Variants in ELMOD2 observed in about 807,000 individuals in gnomAD.
The protein encoded by ELMOD2 is ELMO domain-containing protein 2.
In ELMOD2, 28 loss-of-function variants were observed where a neutral mutation model predicts 41.0. The ratio of observed to expected loss-of-function variants is 0.68; its 90% CI spans 0.51 to 0.94. ELMOD2 has a LOEUF of 0.94. Among genes scored for constraint, ELMOD2 ranks in the 40% least tolerant of loss-of-function variants. The pLI is 0.00. For missense variants in ELMOD2, 333 were observed against 343.1 expected (o/e 0.97, Z 0.23); for synonymous variants, 106 against 107.2 (o/e 0.99, Z 0.07).
chr4:140,549,681 C>CTTTT (rs10538089), intron 8 of ELMOD2, among the ~76,000 whole-genome samples: 13 of 42,970 alleles, frequency 3.0e-4, no homozygotes, highest in African/African-American at 5.6e-4. Flanking sequence ...AGTACTACAT[C>CTTTT]TTTTTTTTTT....
At chr4:140,526,242 ATC>A (rs1430640262) in intron 2 of ELMOD2, among the ~76,000 whole-genome samples, 6 of 152,334 alleles carry the variant, frequency 3.9e-5, no homozygotes, top group South Asian at 2.1e-4. Context: ...TTAAAATGTT[ATC>A]TGTTTCTTTT....
chr4:140,543,103 T>C (rs528381934), intron 7 of ELMOD2, among the ~76,000 whole-genome samples: 2 of 152,060 alleles, frequency 1.3e-5, no homozygotes, highest in African/African-American at 4.8e-5. Context: ...ACCCTGATAA[T>C]GGAGAAGAAA....
At chr4:140,537,263 T>A (rs1734957776) in intron 4 of ELMOD2, 149 bp from the exon 5 acceptor site, 1 of 581,498 alleles carries the variant, frequency 1.7e-6, no homozygotes, top group East Asian at 3.7e-5. Flanking sequence ...CTTTACATAA[T>A]GTTTTGTATT....
At chr4:140,541,239 C>A (rs1185433604) in intron 6 of ELMOD2, among the ~76,000 whole-genome samples, 1 of 152,018 alleles carries the variant, frequency 6.6e-6, no homozygotes, top group East Asian at 1.9e-4. Flanking sequence ...TATAAAATGT[C>A]TAGAATGGGA....
chr4:140,541,686 A>C (rs1028763295), intron 6 of ELMOD2, among the ~76,000 whole-genome samples: 2 of 152,220 alleles, frequency 1.3e-5, no homozygotes, highest in Admixed American at 1.3e-4. Flanking sequence ...TCCATAATGT[A>C]AGATGGTTCC....
chr4:140,543,437 A>T lies in ELMOD2; in HGVS notation c.603-16A>T, dbSNP rs1376188859. ...TATTTGGCTAGCTGGTATAACTGGTAATGTTTCTGACATAGGTATTCTTAT... is the reference window on the plus strand; with the variant it reads ...TATTTGGCTAGCTGGTATAACTGGTTATGTTTCTGACATAGGTATTCTTAT... On this transcript the variant is annotated splice_polypyrimidine_tract_variant and intron_variant, in intron 7 of 8. Transcript: ENST00000323570. 1 of 1,585,456 alleles carries T rather than the reference A, an allele frequency of 6.3e-7. No individual in the cohort carries two copies. Among genetic ancestry groups the T allele is most frequent in the South Asian group, 1.2e-5 (1 of 84,490 alleles).
At chr4:140,525,353 A>AAAT in intron 1 of ELMOD2, 67 bp from the exon 2 acceptor site, 1 of 1,192,440 alleles carries the variant, frequency 8.4e-7, no homozygotes, top group South Asian at 1.6e-5. Flanking sequence ...TCAGTTGTAT[A>AAAT]AACTTTTTAA....
intron 8 of ELMOD2, 80 bp from the exon 9 acceptor site, chr4:140,550,150 T>C: frequency 8.2e-7 from 1 of 1,220,048 alleles, no homozygotes; most frequent in South Asian, 1.3e-5. Flanking sequence ...AAAGGATGGT[T>C]ATATACTTTG....
chr4:140,525,674 T>C (rs1734541313), intron 2 of ELMOD2, 104 bp downstream of exon 2: 1 of 1,257,792 alleles, frequency 8.0e-7, no homozygotes, highest in Non-Finnish European at 1.1e-6. Context: ...GACAAGTCAC[T>C]TAAACTGAAT....
At chr4:140,544,996 T>G (rs902378946) in intron 8 of ELMOD2, among the ~76,000 whole-genome samples, 2 of 152,164 alleles carry the variant, frequency 1.3e-5, no homozygotes, top group African/African-American at 4.8e-5. Flanking sequence ...CTCCAGATAC[T>G]GCTTCATTTC....
intron 6 of ELMOD2, among the ~76,000 whole-genome samples, chr4:140,540,756 A>G (rs1735080797): frequency 6.6e-6 from 1 of 152,074 alleles, no homozygotes; most frequent in African/African-American, 2.4e-5. Context: ...AAAAAAAAAA[A>G]AAAAGACATT....
chr4:140,530,527 CTG>C (rs1325484891), intron 3 of ELMOD2, among the ~76,000 whole-genome samples: 1 of 152,156 alleles, frequency 6.6e-6, no homozygotes, highest in African/African-American at 2.4e-5. Flanking sequence ...TTTTTTACCT[CTG>C]TTTCTTGCTA....
intron 8 of ELMOD2, among the ~76,000 whole-genome samples, chr4:140,546,594 T>G (rs1293705233): frequency 2.0e-5 from 3 of 147,106 alleles, no homozygotes; most frequent in Non-Finnish European, 3.0e-5. Context: ...ACTTAAAAAA[T>G]AAATCTTCAT....
chr4:140,537,320 T>A (rs1734961435), intron 4 of ELMOD2, 92 bp from the exon 5 acceptor site: 1 of 1,150,738 alleles, frequency 8.7e-7, no homozygotes, highest in African/African-American at 1.6e-5. Context: ...AGCCAGGAAA[T>A]GCTTTCTAAA....
chr4:140,539,363 T>G (rs948086522), intron 5 of ELMOD2, among the ~76,000 whole-genome samples: 6 of 152,186 alleles, frequency 3.9e-5, no homozygotes, highest in African/African-American at 1.4e-4. Flanking sequence ...TGGTTTGTTT[T>G]TTTTTTTTTC....
chr4:140,538,695 G>A (rs1735008788), intron 5 of ELMOD2, among the ~76,000 whole-genome samples: 1 of 152,018 alleles, frequency 6.6e-6, no homozygotes, highest in Admixed American at 6.6e-5. Flanking sequence ...GTGCTTCATG[G>A]TGAAATTCAG....
chr4:140,540,605 A>G (rs1735075006), intron 6 of ELMOD2, among the ~76,000 whole-genome samples: 1 of 152,100 alleles, frequency 6.6e-6, no homozygotes. Flanking sequence ...ATAATTAGCC[A>G]GGCATGGTGG....
Position 140,545,287 on chromosome 4 carries a change from A to G in ELMOD2, c.736+1701A>G, listed in dbSNP as rs199546488. Among the ~76,000 whole-genome samples, 4 of 152,200 alleles carry G rather than the reference A, an allele frequency of 2.6e-5. No individual in the cohort carries two copies. In the East Asian group the frequency reaches 7.7e-4, roughly 29 times the overall value. ...ATTCTCCTGGCTTTTCTTTTGCCCC[A>G]CAGGAATTCCTGTAGACATCCACTG... On this transcript the variant is annotated intron_variant, in intron 8 of 8. Coordinates refer to ENST00000323570, the MANE Select transcript of ELMOD2 (RefSeq NM_153702.4).
At chr4:140,545,059 A>T (rs966798448) in intron 8 of ELMOD2, among the ~76,000 whole-genome samples, 6 of 151,644 alleles carry the variant, frequency 4.0e-5, no homozygotes, top group Admixed American at 3.3e-4. Flanking sequence ...TCATTTCTTC[A>T]TCTCCAGTTT....
Sources: gnomAD v4.1 joint callset for allele counts (sites outside exome capture counted in the v4.1 genomes callset) on GRCh38, gnomAD v4.1.1 for gene constraint, MANE v1.5 for transcripts, NCBI Gene and HGNC (gene_info 2026-07-23, HGNC 2026-07-21) for gene names.